The following MAGI3 variants were observed in gnomAD, a reference collection of about 807,000 sequenced individuals.
MAGI3 encodes the protein membrane associated guanylate kinase, WW and PDZ domain containing 3, also known as membrane-associated guanylate kinase, WW and PDZ domain-containing protein 3.
Under a neutral mutation model 121.8 loss-of-function variants are expected in MAGI3, and 43 were observed. That is an observed-to-expected ratio of 0.35 (90% CI 0.28 to 0.46). The LOEUF (loss-of-function observed/expected upper bound fraction) is 0.46, where lower values mean the gene tolerates loss of function less well. MAGI3 is among the 20% of genes least tolerant of loss of function. The pLI is 1.00. For synonymous variants in MAGI3, 553 were observed against 639.3 expected (o/e 0.86, Z 2.04); for missense variants, 1,547 against 1,797.3 (o/e 0.86, Z 2.52).
chr1:113,618,435 C>A, intron 7 of MAGI3: 1 of 410,060 alleles, frequency 2.4e-6, no homozygotes, highest in Non-Finnish European at 4.8e-6. Context: ...TACCTAAAAA[C>A]AATCATGTTC....
In MAGI3 at chr1:113,549,610, C is replaced by G; in HGVS notation, c.412C>G (p.Leu138Val). The change falls in exon 2 of 21, where the codon CTC becomes GTC. Residue 138 changes from leucine (L) to valine (V), a missense_variant. By Grantham distance (32) the Leu-to-Val change is conservative. Transcript: ENST00000307546. ...HKLQQVIRDN[L>V]YLRTIPCTTR... Reference sequence around the variant, plus strand: ...ACTGCAGCAAGTGATCAGAGATAATCTCTACTTGAGAACCATTCCATGTAA... The same window carrying G: ...ACTGCAGCAAGTGATCAGAGATAATGTCTACTTGAGAACCATTCCATGTAA... The G allele has an allele frequency of 6.3e-7, 1 of 1,596,312 alleles. No homozygotes were observed.
At chr1:113,597,151 A>G (rs1649068303) in intron 6 of MAGI3, among the ~76,000 whole-genome samples, 1 of 152,242 alleles carries the variant, frequency 6.6e-6, no homozygotes, top group African/African-American at 2.4e-5. Flanking sequence ...AAAAAGGAAC[A>G]AAATACTATA....
intron 1 of MAGI3, among the ~76,000 whole-genome samples, chr1:113,436,869 A>G (rs1653592386): frequency 7.2e-6 from 1 of 139,188 alleles, no homozygotes; most frequent in African/African-American, 2.7e-5. Context: ...GCTGGAGTGC[A>G]GTGGCACTGA....
chr1:113,668,500 A>G (rs2101014289), intron 16 of MAGI3, among the ~76,000 whole-genome samples: 1 of 152,300 alleles, frequency 6.6e-6, no homozygotes, highest in East Asian at 1.9e-4. Flanking sequence ...CTAAAAATGA[A>G]AAGAATCCCA....
chr1:113,525,266 T>A (rs777783157), intron 1 of MAGI3, among the ~76,000 whole-genome samples: 14 of 152,250 alleles, frequency 9.2e-5, no homozygotes, highest in South Asian at 2.1e-4. Flanking sequence ...TTTTATTCTT[T>A]CTCTCTCTGT....
At chr1:113,619,681 G>C in intron 7 of MAGI3, 55 bp from the exon 8 acceptor site, 1 of 1,180,960 alleles carries the variant, frequency 8.5e-7, no homozygotes. Context: ...GACTATTTAA[G>C]AATATGTTAC....
intron 1 of MAGI3, among the ~76,000 whole-genome samples, chr1:113,495,213 T>A (rs1312434123): frequency 6.6e-6 from 1 of 151,848 alleles, no homozygotes; most frequent in Non-Finnish European, 1.5e-5. Context: ...AGGATCTAAT[T>A]TTTTTTTAAA....
chr1:113,546,023 G>A (rs761979493), intron 1 of MAGI3, among the ~76,000 whole-genome samples: 7 of 152,002 alleles, frequency 4.6e-5, no homozygotes, highest in Non-Finnish European at 7.4e-5. Context: ...TGGCCTTCTG[G>A]TAATCCCACA....
chr1:113,590,511 C>T lies in MAGI3; in HGVS notation c.791C>T (p.Ser264Phe). The T allele has an allele frequency of 6.2e-7, 1 of 1,613,712 alleles. No individual in the cohort carries two copies. Among genetic ancestry groups the T allele is most frequent in the Non-Finnish European group, 8.5e-7 (1 of 1,179,690 alleles). Residue 264 changes from serine (S) to phenylalanine (F), a missense_variant, in exon 5 of 21, where the codon TCT becomes TTT. Coordinates refer to ENST00000307546, the MANE Select transcript of MAGI3 (RefSeq NM_001142782.2). ...AENRERHSES[S>F]DWMKTVPSYN... ...AACAGAGAGAGGCATTCTGAGTCAT[C>T]TGACTGGATGAAGACTGTTCCAAGT...
rs1482669706 is a variant in MAGI3 at position 113,685,285 on chromosome 1, T to A, written c.*1271T>A. The A allele has an allele frequency of 6.6e-6, 1 of 152,384 alleles. No individual in the cohort carries two copies. Among genetic ancestry groups the A allele is most frequent in the Non-Finnish European group, 1.5e-5 (1 of 68,042 alleles). The allele number at this position is 152,384 out of a possible 1,614,324, so 9.4% of individuals were successfully genotyped here. ...CTGTTAACAACTTCCATAAAATAGA[T>A]CCAGGTTTTTCAGTTCCCTGAAGCA... On this transcript the variant is annotated 3_prime_UTR_variant, in exon 21 of 21. Coordinates refer to ENST00000307546, the MANE Select transcript of MAGI3 (RefSeq NM_001142782.2).
intron 2 of MAGI3, among the ~76,000 whole-genome samples, chr1:113,568,270 T>C (rs1660517202): frequency 6.6e-6 from 1 of 152,068 alleles, no homozygotes; most frequent in African/African-American, 2.4e-5. Flanking sequence ...CCATAGCATA[T>C]AAGTTTTTTA....
intron 7 of MAGI3, among the ~76,000 whole-genome samples, chr1:113,616,522 TGTA>T (rs1346271536): frequency 6.6e-6 from 1 of 152,240 alleles, no homozygotes; most frequent in Non-Finnish European, 1.5e-5. Flanking sequence ...GCAGGAGCCT[TGTA>T]GTAGTAACAC....
chr1:113,639,051 A>T (rs557815021), intron 9 of MAGI3, among the ~76,000 whole-genome samples: 210 of 152,290 alleles, frequency 1.4e-3, no homozygotes, highest in Non-Finnish European at 2.3e-3. Context: ...TGCGGCATAT[A>T]ATCTCCTGGT....
chr1:113,405,443 A>C (rs375474594), intron 1 of MAGI3, among the ~76,000 whole-genome samples: 1 of 133,592 alleles, frequency 7.5e-6, no homozygotes, highest in African/African-American at 2.8e-5. Context: ...TTGTACCTGC[A>C]TACTGCCTGG....
chr1:113,628,593 G>A (rs562842350), intron 9 of MAGI3, among the ~76,000 whole-genome samples: 7 of 152,262 alleles, frequency 4.6e-5, no homozygotes, highest in Non-Finnish European at 1.5e-5. Flanking sequence ...ATTTCTTGTA[G>A]GAGAGATCTA....
chr1:113,597,171 T>C (rs1230495882), intron 6 of MAGI3, among the ~76,000 whole-genome samples: 1 of 152,206 alleles, frequency 6.6e-6, no homozygotes, highest in East Asian at 1.9e-4. Context: ...ACATGCTATA[T>C]GTATGAATCT....
At chr1:113,663,507 G>C (rs951773429) in intron 16 of MAGI3, among the ~76,000 whole-genome samples, 1 of 151,810 alleles carries the variant, frequency 6.6e-6, no homozygotes, top group Admixed American at 6.6e-5. Context: ...ATGTTTTCAA[G>C]GTACGTCCTA....
At chr1:113,678,254 A>G (rs1648000738) in intron 19 of MAGI3, among the ~76,000 whole-genome samples, 1 of 152,184 alleles carries the variant, frequency 6.6e-6, no homozygotes, top group South Asian at 2.1e-4. Flanking sequence ...TCCAAATACT[A>G]TCTACTTTAA....
intron 6 of MAGI3, among the ~76,000 whole-genome samples, chr1:113,602,144 G>C (rs1286156445): frequency 7.9e-5 from 12 of 151,910 alleles, no homozygotes; most frequent in Admixed American, 7.9e-4. Context: ...AATGGGTGCA[G>C]CACACCAGCA....
Sources: allele counts gnomAD v4.1 joint callset (sites outside exome capture counted in the v4.1 genomes callset), GRCh38; gene constraint gnomAD v4.1.1; transcripts MANE v1.5; gene names NCBI Gene and HGNC (gene_info 2026-07-23, HGNC 2026-07-21).